ARHGAP15: variants seen among roughly 807,000 people sequenced by gnomAD.
The protein encoded by ARHGAP15 is rho GTPase-activating protein 15.
In ARHGAP15, 51 loss-of-function variants were observed where a neutral mutation model predicts 63.7. The ratio of observed to expected loss-of-function variants is 0.80; its 90% CI spans 0.64 to 1.01. ARHGAP15 has a LOEUF of 1.01. Ranked by LOEUF, ARHGAP15 falls within the 50% of genes least tolerant of loss-of-function variation. The pLI, the probability that ARHGAP15 is intolerant of heterozygous loss-of-function variation, is 0.00. For missense variants in ARHGAP15, 560 were observed against 564.6 expected (o/e 0.99, Z 0.08); for synonymous variants, 191 against 193.8 (o/e 0.99, Z 0.12).
chr2:143,509,616 C>T (rs1390233428), intron 9 of ARHGAP15, among the ~76,000 whole-genome samples: 1 of 152,166 alleles, frequency 6.6e-6, no homozygotes, highest in African/African-American at 2.4e-5. Flanking sequence ...TCACCCAGTT[C>T]TCCAAACATT....
At chr2:143,360,568 T>C (rs1686005008) in intron 6 of ARHGAP15, among the ~76,000 whole-genome samples, 1 of 152,148 alleles carries the variant, frequency 6.6e-6, no homozygotes, top group Non-Finnish European at 1.5e-5. Flanking sequence ...AGCAAAGACA[T>C]TGGACTTGAA....
At chr2:143,583,097 A>G (rs979465254) in intron 11 of ARHGAP15, among the ~76,000 whole-genome samples, 1 of 152,104 alleles carries the variant, frequency 6.6e-6, no homozygotes, top group South Asian at 2.1e-4. Context: ...CACCCTCCTG[A>G]TCTTGCTAAA....
chr2:143,410,858 C>A, intron 6 of ARHGAP15, among the ~76,000 whole-genome samples: 1 of 144,882 alleles, frequency 6.9e-6, no homozygotes, highest in African/African-American at 2.6e-5. Context: ...TTGTTGATGA[C>A]AGGGATTTAT....
At chr2:143,273,652 T>C (rs1486907645) in intron 6 of ARHGAP15, among the ~76,000 whole-genome samples, 1 of 152,186 alleles carries the variant, frequency 6.6e-6, no homozygotes, top group Admixed American at 6.5e-5. Flanking sequence ...TTAAAAAATA[T>C]TAAATACGTC....
chr2:143,359,473 T>A (rs1449969828), intron 6 of ARHGAP15, among the ~76,000 whole-genome samples: 3 of 152,206 alleles, frequency 2.0e-5, no homozygotes, highest in Non-Finnish European at 4.4e-5. Context: ...TGTTCTTAAT[T>A]TCTTCTCTTT....
At chr2:143,350,777 T>C (rs1469016439) in intron 6 of ARHGAP15, among the ~76,000 whole-genome samples, 2 of 131,892 alleles carry the variant, frequency 1.5e-5, no homozygotes, top group African/African-American at 5.8e-5. Flanking sequence ...AGGTGGAGTG[T>C]GCAGTGAGCC....
intron 4 of ARHGAP15, among the ~76,000 whole-genome samples, chr2:143,220,723 TATAAC>T (rs1409102127): frequency 2.0e-5 from 3 of 152,226 alleles, no homozygotes; most frequent in Non-Finnish European, 2.9e-5. Flanking sequence ...TAATAAATAA[TATAAC>T]ATACTATAAT....
chr2:143,323,921 A>AAAAAAAAAAAAAAAAAAAC (rs1558893097), intron 6 of ARHGAP15, among the ~76,000 whole-genome samples: 1 of 149,546 alleles, frequency 6.7e-6, no homozygotes, highest in African/African-American at 2.5e-5. Flanking sequence ...AAAAAAAAAA[A>AAAAAAAAAAAAAAAAAAAC]AACACCTAAA....
At chr2:143,761,468 C>T (rs1283910807) in intron 13 of ARHGAP15, among the ~76,000 whole-genome samples, 1 of 152,150 alleles carries the variant, frequency 6.6e-6, no homozygotes, top group African/African-American at 2.4e-5. Flanking sequence ...ATGTGACTTT[C>T]AACACACTTT....
intron 13 of ARHGAP15, among the ~76,000 whole-genome samples, chr2:143,706,876 AATC>A (rs1006723151): frequency 6.6e-6 from 1 of 152,170 alleles, no homozygotes; most frequent in Non-Finnish European, 1.5e-5. Context: ...GTACCTTCTG[AATC>A]ATCATATAAA....
At chr2:143,196,846 T>C (rs1191449429) in intron 2 of ARHGAP15, among the ~76,000 whole-genome samples, 1 of 151,920 alleles carries the variant, frequency 6.6e-6, no homozygotes, top group Admixed American at 6.6e-5. Flanking sequence ...ATAAACATAA[T>C]ACATTAAAGC....
chr2:143,267,760 G>T (rs756264411), intron 6 of ARHGAP15, among the ~76,000 whole-genome samples: 2 of 151,924 alleles, frequency 1.3e-5, no homozygotes, highest in Non-Finnish European at 2.9e-5. Flanking sequence ...AATGTTTTTG[G>T]CATGTTGGGA....
chr2:143,267,833 A>G (rs1449144676), intron 6 of ARHGAP15, among the ~76,000 whole-genome samples: 15 of 152,132 alleles, frequency 9.9e-5, no homozygotes, highest in Admixed American at 3.9e-4. Flanking sequence ...GTTTTTTGGT[A>G]TACAAATATT....
At chr2:143,347,455 C>T (rs574051911) in intron 6 of ARHGAP15, among the ~76,000 whole-genome samples, 15 of 152,168 alleles carry the variant, frequency 9.9e-5, no homozygotes, top group Admixed American at 2.0e-4. Flanking sequence ...GGGAATGCAG[C>T]TCTTTTCTTT....
intron 12 of ARHGAP15, among the ~76,000 whole-genome samples, chr2:143,662,184 G>C (rs1460007684): frequency 6.6e-6 from 1 of 152,186 alleles, no homozygotes; most frequent in African/African-American, 2.4e-5. Context: ...GCTTTGAAGA[G>C]AGCAGTGGTT....
At chr2:143,601,433 A>G (rs1021931044) in intron 11 of ARHGAP15, 1 of 152,128 alleles carries the variant, frequency 6.6e-6, no homozygotes, top group African/African-American at 2.4e-5. Flanking sequence ...TAACATTTAC[A>G]TTAGTCAGCA....
intron 6 of ARHGAP15, among the ~76,000 whole-genome samples, chr2:143,387,134 G>A (rs1687320760): frequency 6.6e-6 from 1 of 152,030 alleles, no homozygotes; most frequent in Non-Finnish European, 1.5e-5. Context: ...ACTTGCACAT[G>A]CACCCCTGAA....
chr2:143,309,718 T>C (rs995965888), intron 6 of ARHGAP15, among the ~76,000 whole-genome samples: 7 of 151,962 alleles, frequency 4.6e-5, no homozygotes, highest in Admixed American at 4.6e-4. Context: ...GATAACTCTT[T>C]GTTGTGGGGG....
intron 8 of ARHGAP15, among the ~76,000 whole-genome samples, chr2:143,461,263 G>A (rs765884544): frequency 1.9e-5 from 2 of 103,464 alleles, no homozygotes; most frequent in Non-Finnish European, 3.5e-5. Flanking sequence ...CTGGGCTACA[G>A]AATGAGACTC....
Sources: allele counts gnomAD v4.1 joint callset (sites outside exome capture counted in the v4.1 genomes callset), GRCh38; gene constraint gnomAD v4.1.1; transcripts MANE v1.5; gene names NCBI Gene and HGNC (gene_info 2026-07-23, HGNC 2026-07-21).